The following CAPN5 variants were observed in gnomAD, a reference collection of about 807,000 sequenced individuals.
CAPN5 encodes calpain 5, also known as calpain-5.
Under a neutral mutation model 73.0 loss-of-function variants are expected in CAPN5, and 54 were observed. The observed-to-expected ratio is 0.74, with a 90% CI of 0.59 to 0.93. The LOEUF is 0.93. Ranked by LOEUF, CAPN5 falls within the 40% of genes least tolerant of loss-of-function variation. The pLI, the probability that CAPN5 is intolerant of heterozygous loss-of-function variation, is 0.00. For synonymous variants in CAPN5, 335 were observed against 356.9 expected, an observed-to-expected ratio of 0.94 and a Z score of 0.69; for missense variants, 785 against 882.9, an observed-to-expected ratio of 0.89 and a Z score of 1.41.
rs782631999 is a variant in CAPN5, at chr11:77,093,747, G to A, written c.231G>A (p.Gln77=). The change falls in exon 3 of 13, where the codon CAG becomes CAA. Residue 77 remains glutamine, a synonymous_variant. Coordinates refer to ENST00000648180, the MANE Select transcript of CAPN5 (RefSeq NM_004055.5). ...GCTCCCACGACCTGCACCAGGGCCA[G>A]GTGGGCAACTGCTGGTTTGTGGCAG... is the stretch of plus-strand genomic sequence containing the variant. ...GISSHDLHQG[Q]VGNCWFVAAC... 30 of 1,612,206 alleles carry A rather than the reference G, an allele frequency of 1.9e-5. No homozygotes were observed. Among genetic ancestry groups the A allele is most frequent in the African/African-American group, 2.7e-5 (2 of 74,940 alleles).
rs541921770 is a variant in CAPN5, at chr11:77,117,373, G to C, written c.972-784G>C. Among the ~76,000 whole-genome samples, 108 of 152,168 alleles carry C rather than the reference G, an allele frequency of 7.1e-4. 1 individual carries two copies. The highest frequency in any genetic ancestry group is 1.2e-3 in the Non-Finnish European group (82 of 68,046). On this transcript the variant is annotated intron_variant, in intron 7 of 12. Coordinates refer to ENST00000648180, the MANE Select transcript of CAPN5 (RefSeq NM_004055.5). ...ATGGAAACTCAGTCCCTTCCTGGAG[G>C]GGTATTGGCATCCTGTGTGTGCTGG...
intron 4 of CAPN5, among the ~76,000 whole-genome samples, chr11:77,113,456 GCAGTGGGGT>G (rs1950432612): frequency 6.6e-6 from 1 of 152,206 alleles, no homozygotes; most frequent in Non-Finnish European, 1.5e-5. Flanking sequence ...GGGAGGAGGG[GCAGTGGGGT>G]CAGAGGCCAG....
chr11:77,074,643 T>A (rs1407413901), intron 1 of CAPN5, among the ~76,000 whole-genome samples: 1 of 151,896 alleles, frequency 6.6e-6, no homozygotes, highest in Non-Finnish European at 1.5e-5. Flanking sequence ...AAGGTGGTGG[T>A]GGGGGGTGTC....
At chr11:77,120,222 G>A (rs1337576373) in intron 9 of CAPN5, 2 of 152,506 alleles carry the variant, frequency 1.3e-5, no homozygotes, top group African/African-American at 4.8e-5. Context: ...TAATTTTTAA[G>A]TTTTTTGTAG....
Position 77,124,035 on chromosome 11 carries a change from C to A in CAPN5, c.*165C>A. The A allele has an allele frequency of 1.6e-6, 1 of 643,514 alleles. No individual in the cohort carries two copies. Among genetic ancestry groups the A allele is most frequent in the Non-Finnish European group, 2.6e-6 (1 of 377,826 alleles). The allele number at this position is 643,514 out of a possible 1,614,324, so 39.9% of individuals were successfully genotyped here. The stretch of plus-strand genomic sequence containing the variant: ...TCTGCCCCTCTCTCAGCCTCAGTGT[C>A]CCGAGGGCCCCGAAGCATTCCATTC... On this transcript the variant is annotated 3_prime_UTR_variant, in exon 13 of 13. Transcript: ENST00000648180.
At position 77,093,179 on chromosome 11, in the gene CAPN5, C is replaced by T. The variant is rs187899439; in HGVS notation, c.166-503C>T. 1.1e-3 allele frequency among the ~76,000 whole-genome samples: 166 copies of T among 152,306 alleles called. 1 individual carries two copies. The highest frequency in any genetic ancestry group is 1.9e-3 in the Non-Finnish European group (130 of 68,038). On this transcript the variant is annotated intron_variant, in intron 2 of 12. Coordinates refer to ENST00000648180, the MANE Select transcript of CAPN5 (RefSeq NM_004055.5). The stretch of plus-strand genomic sequence containing the variant: ...AAGTGCCATGCGGGGCCTGGCCCAC[C>T]GCTCCCCACTGGCCCCTCGCTTTGT...
Position 77,084,761 on chromosome 11 carries a change from C to T in CAPN5, c.-35-91C>T. ...CCACGCCTCGCTGAGCCTTCCGTGC[C>T]TGTGCCATGGGGCTGATGATGTCCG... On this transcript the variant is annotated intron_variant, in intron 1 of 12. Coordinates refer to ENST00000648180, the MANE Select transcript of CAPN5 (RefSeq NM_004055.5). The T allele has an allele frequency of 1.5e-5, 18 of 1,173,042 alleles. 1 individual carries two copies. In the South Asian group the frequency reaches 2.3e-4, roughly 15 times the overall value. 72.7% of individuals were successfully genotyped at this position (1,173,042 alleles called of 1,614,324 possible). A position where few individuals can be genotyped will look rare whatever the true frequency, so the allele number is the denominator to read the frequency against.
At chr11:77,117,659 G>A (rs1555041995) in intron 7 of CAPN5, among the ~76,000 whole-genome samples, 1 of 152,212 alleles carries the variant, frequency 6.6e-6, no homozygotes, top group Non-Finnish European at 1.5e-5. Context: ...GGCGTTCACA[G>A]TGTGCAGTGA....
chr11:77,068,308 G>A (rs1223908806), intron 1 of CAPN5, among the ~76,000 whole-genome samples: 1 of 152,122 alleles, frequency 6.6e-6, no homozygotes, highest in Non-Finnish European at 1.5e-5. Context: ...TGCTCAGGCG[G>A]GGTCTTTGCC....
chr11:77,102,661 C>T (rs1555039052), intron 3 of CAPN5, among the ~76,000 whole-genome samples: 1 of 152,262 alleles, frequency 6.6e-6, no homozygotes, highest in Non-Finnish European at 1.5e-5. Flanking sequence ...GGGACTCCCA[C>T]CCCTGACACA....
intron 1 of CAPN5, among the ~76,000 whole-genome samples, chr11:77,067,311 A>T (rs1458233815): frequency 8.2e-6 from 1 of 122,598 alleles, no homozygotes; most frequent in African/African-American, 3.1e-5. Context: ...GCTCGTCCCC[A>T]CCCCCACCCC....
In CAPN5 at chr11:77,103,266, G is replaced by A. The variant is rs376786233; in HGVS notation, c.298-9323G>A. 46 of 1,613,190 alleles carry A rather than the reference G, an allele frequency of 2.9e-5. No homozygotes were observed. The highest frequency in any genetic ancestry group is 1.8e-4 in the East Asian group (8 of 44,884). On this transcript the variant is annotated intron_variant, in intron 3 of 12. Coordinates refer to ENST00000648180, the MANE Select transcript of CAPN5 (RefSeq NM_004055.5). ...GATCCGCAAGGTCATGTACTTCCTC[G>A]TCACCTTTGGCGAGGGTGTGGAGCC...
rs782125333 is a variant in CAPN5, at chr11:77,118,302, C to G, written c.1117C>G (p.Arg373Gly). 6.2e-7 allele frequency: 1 copy of G among 1,611,534 alleles called. No individual in the cohort carries two copies. The highest frequency in any genetic ancestry group is 8.5e-7 in the Non-Finnish European group (1 of 1,178,894). The change falls in exon 8 of 13, where the codon CGC becomes GGC. Residue 373 changes from arginine to glycine, a missense_variant. Coordinates refer to ENST00000648180, the MANE Select transcript of CAPN5 (RefSeq NM_004055.5). ...WTLHEDPRQN[R>G]GGGCINHKDT... ...GCTGCATGAGGACCCGCGACAGAAC[C>G]GCGGTGGCGGCTGCATCAACCACAA...
At chr11:77,089,650 C>T (rs1227384113) in intron 2 of CAPN5, among the ~76,000 whole-genome samples, 1 of 152,130 alleles carries the variant, frequency 6.6e-6, no homozygotes, top group Non-Finnish European at 1.5e-5. Flanking sequence ...GGCTTTGTCA[C>T]CCATAAAACC....
Position 77,122,556 on chromosome 11 carries a change from C to T in CAPN5, c.1604-20C>T, listed in dbSNP as rs1950531983. ...GCCCCCACCCCCACCCTCACCCCAT[C>T]TCCCACTCCCTCTCCCTAGGGGCTA... On this transcript the variant is annotated intron_variant, in intron 11 of 12. Coordinates refer to ENST00000648180, the MANE Select transcript of CAPN5 (RefSeq NM_004055.5). 7.0e-7 allele frequency: 1 copy of T among 1,428,860 alleles called. No homozygotes were observed. The highest frequency in any genetic ancestry group is 1.8e-5 in the Admixed American group (1 of 54,694). The allele number at this position is 1,428,860 out of a possible 1,614,324, so 88.5% of individuals were successfully genotyped here.
At chr11:77,111,197 C>T (rs969761766) in intron 3 of CAPN5, among the ~76,000 whole-genome samples, 2 of 152,120 alleles carry the variant, frequency 1.3e-5, no homozygotes, top group South Asian at 4.2e-4. Context: ...CTGGGTGCCT[C>T]CTCCTCTCCC....
intron 1 of CAPN5, chr11:77,073,100 T>G: frequency 7.8e-7 from 1 of 1,289,730 alleles, no homozygotes; most frequent in Non-Finnish European, 1.0e-6. Context: ...TGTCAGCACT[T>G]TCTCTGCAGG....
intron 1 of CAPN5, chr11:77,073,050 A>G (rs1555033355): frequency 1.6e-6 from 2 of 1,287,850 alleles, no homozygotes; most frequent in Admixed American, 2.3e-5. Context: ...CGGGTGAGAG[A>G]GAATGTCCTG....
chr11:77,086,793 GAA>G (rs1308190215), intron 2 of CAPN5, among the ~76,000 whole-genome samples: 1 of 152,226 alleles, frequency 6.6e-6, no homozygotes, highest in Non-Finnish European at 1.5e-5. Context: ...CCGTGGCTCC[GAA>G]AAGAGGCTGG....
Sources: allele counts gnomAD v4.1 joint callset (sites outside exome capture counted in the v4.1 genomes callset), GRCh38; gene constraint gnomAD v4.1.1; transcripts MANE v1.5; gene names NCBI Gene and HGNC (gene_info 2026-07-23, HGNC 2026-07-21).